Variants in CADM1 observed in about 807,000 individuals in gnomAD.
The protein encoded by CADM1 is TSLC-1.
Under a neutral mutation model 53.1 loss-of-function variants are expected in CADM1, and 15 were observed. The observed-to-expected ratio is 0.28, with a 90% CI of 0.19 to 0.44. The LOEUF is 0.44. Ranked by LOEUF, CADM1 falls within the 20% of genes least tolerant of loss-of-function variation. The probability of loss-of-function intolerance (pLI) is 1.00; values close to 1 mark genes in which losing one functional copy is unlikely to be tolerated. For synonymous variants in CADM1, 281 were observed against 243.0 expected, an observed-to-expected ratio of 1.16 and a Z score of -1.45; for missense variants, 434 against 611.3, an observed-to-expected ratio of 0.71 and a Z score of 3.06.
intron 1 of CADM1, among the ~76,000 whole-genome samples, chr11:115,489,037 G>T (rs1375869124): frequency 1.3e-5 from 2 of 152,186 alleles, no homozygotes; most frequent in African/African-American, 2.4e-5. Flanking sequence ...CTGAGGTGAA[G>T]AGGAACAGAT....
At chr11:115,271,047 G>T (rs752766838) in intron 1 of CADM1, among the ~76,000 whole-genome samples, 8 of 152,130 alleles carry the variant, frequency 5.3e-5, no homozygotes, top group Non-Finnish European at 1.2e-4. Context: ...TCACCAAAGG[G>T]TATTAAGCCA....
chr11:115,250,630 T>A (rs1013138627), intron 1 of CADM1, among the ~76,000 whole-genome samples: 1 of 152,222 alleles, frequency 6.6e-6, no homozygotes, highest in Non-Finnish European at 1.5e-5. Context: ...CACTGCTATC[T>A]GGAGGAGGAT....
At chr11:115,388,343 A>C (rs1351099889) in intron 1 of CADM1, among the ~76,000 whole-genome samples, 3 of 152,128 alleles carry the variant, frequency 2.0e-5, no homozygotes, top group Non-Finnish European at 2.9e-5. Flanking sequence ...GAAGTGTTAT[A>C]GTTGGAAAAT....
At chr11:115,470,789 T>C (rs973216287) in intron 1 of CADM1, among the ~76,000 whole-genome samples, 2 of 152,168 alleles carry the variant, frequency 1.3e-5, no homozygotes, top group Non-Finnish European at 2.9e-5. Context: ...ACAAGGACAT[T>C]ACCTACCAAA....
chr11:115,361,557 A>G (rs1055876011), intron 1 of CADM1, among the ~76,000 whole-genome samples: 4 of 152,162 alleles, frequency 2.6e-5, no homozygotes, highest in African/African-American at 7.2e-5. Flanking sequence ...ATTCTTCACC[A>G]TATTTTGCAT....
chr11:115,357,752 C>T (rs1049179737), intron 1 of CADM1, among the ~76,000 whole-genome samples: 1 of 152,064 alleles, frequency 6.6e-6, no homozygotes, highest in Non-Finnish European at 1.5e-5. Context: ...CTAAATAACA[C>T]GTCTATTTAC....
intron 1 of CADM1, among the ~76,000 whole-genome samples, chr11:115,443,945 G>T (rs1257691107): frequency 1.3e-5 from 2 of 152,178 alleles, no homozygotes; most frequent in Non-Finnish European, 2.9e-5. Flanking sequence ...GGAGACAAAA[G>T]GTGGTTGGTC....
chr11:115,201,394 T>C (rs1940421987), intron 8 of CADM1, among the ~76,000 whole-genome samples: 1 of 152,214 alleles, frequency 6.6e-6, no homozygotes, highest in Non-Finnish European at 1.5e-5. Flanking sequence ...GAGACCACGA[T>C]GACAGAATCT....
At chr11:115,252,418 A>G (rs1266050776) in intron 1 of CADM1, among the ~76,000 whole-genome samples, 2 of 151,894 alleles carry the variant, frequency 1.3e-5, no homozygotes, top group African/African-American at 4.8e-5. Flanking sequence ...ATTTTTTTTT[A>G]TTTCAGAGGT....
chr11:115,289,746 C>G (rs1342185771), intron 1 of CADM1, among the ~76,000 whole-genome samples: 1 of 151,924 alleles, frequency 6.6e-6, no homozygotes, highest in Non-Finnish European at 1.5e-5. Context: ...TAGGCACCCA[C>G]CATCACGCCC....
At chr11:115,228,699 T>C (rs1280791747) in intron 5 of CADM1, among the ~76,000 whole-genome samples, 2 of 151,924 alleles carry the variant, frequency 1.3e-5, no homozygotes, top group African/African-American at 4.8e-5. Flanking sequence ...TAAGCTAAAA[T>C]AGAGGAGGAA....
intron 1 of CADM1, among the ~76,000 whole-genome samples, chr11:115,273,181 A>T (rs1943351235): frequency 6.6e-6 from 1 of 152,254 alleles, no homozygotes; most frequent in Non-Finnish European, 1.5e-5. Flanking sequence ...TGATCTATTA[A>T]GTGACCTACT....
At chr11:115,482,370 G>T (rs967068597) in intron 1 of CADM1, among the ~76,000 whole-genome samples, 2 of 152,170 alleles carry the variant, frequency 1.3e-5, no homozygotes, top group Non-Finnish European at 2.9e-5. Context: ...ATGGAAGAGA[G>T]CCTATATAAT....
intron 1 of CADM1, among the ~76,000 whole-genome samples, chr11:115,495,217 C>T (rs1224063098): frequency 1.3e-5 from 2 of 152,134 alleles, no homozygotes; most frequent in Non-Finnish European, 1.5e-5. Flanking sequence ...TGAAGCAATG[C>T]TCCTTTTTTA....
rs1173348399 is a variant in CADM1 at position 115,299,776 on chromosome 11, T to C, written c.125-59356A>G. The stretch of plus-strand genomic sequence containing the variant: ...TTGTAATCAGTCTCTTTGATAGAGG[T>C]GATACAGAGCACTGACACTTTAGCC... On this transcript the variant is annotated intron_variant, in intron 1 of 11. Coordinates refer to ENST00000331581, the MANE Select transcript of CADM1 (RefSeq NM_001301043.2). Among the ~76,000 whole-genome samples the C allele has an allele frequency of 2.0e-5, 3 of 152,016 alleles. No individual in the cohort carries two copies. The East Asian group carries it at 5.8e-4, about 29-fold the overall frequency.
chr11:115,421,521 G>A (rs985620202), intron 1 of CADM1, among the ~76,000 whole-genome samples: 11 of 152,184 alleles, frequency 7.2e-5, no homozygotes, highest in East Asian at 1.9e-4. Flanking sequence ...CAAAGCAGAC[G>A]CGCTCACCAG....
At chr11:115,286,444 T>C (rs769212985) in intron 1 of CADM1, among the ~76,000 whole-genome samples, 14 of 152,196 alleles carry the variant, frequency 9.2e-5, no homozygotes, top group Non-Finnish European at 1.5e-4. Context: ...TCAGCTTATA[T>C]ACAAAACTGA....
Position 115,415,758 on chromosome 11 carries a change from C to A in CADM1, c.124+88513G>T, listed in dbSNP as rs552399834. Reference sequence around the variant, plus strand: ...GGCTGAGGCAGGAGAATCACTTGAACCTGGGAGGCAGAGCTGAGATTGCTC... The same window carrying A: ...GGCTGAGGCAGGAGAATCACTTGAAACTGGGAGGCAGAGCTGAGATTGCTC... On this transcript the variant is annotated intron_variant, in intron 1 of 11. Coordinates refer to ENST00000331581, the MANE Select transcript of CADM1 (RefSeq NM_001301043.2). Among the ~76,000 whole-genome samples, 5 of 138,754 alleles carry A rather than the reference C, an allele frequency of 3.6e-5. No individual in the cohort carries two copies. The East Asian group carries it at 8.5e-4, about 24-fold the overall frequency. The allele number at this position is 138,754 out of a possible 152,430, so 91.0% of individuals were successfully genotyped here. A position where few individuals can be genotyped will look rare whatever the true frequency, so the allele number is the denominator to read the frequency against.
At position 115,217,963 on chromosome 11, in the gene CADM1, A is replaced by C. The variant is rs145894931; in HGVS notation, c.750T>G (p.Thr250=). The C allele has an allele frequency of 4.1e-4, 655 of 1,613,424 alleles. 2 individuals carry two copies. In the East Asian group the frequency reaches 5.2e-3, roughly 13 times the overall value. The part of the protein sequence containing the change: ...QYKPQVHIQM[T]YPLQGLTREG... The stretch of plus-strand genomic sequence containing the variant: ...CCCGGGTTAAGCCTTGTAGAGGATA[A>C]GTCATCTGAATGTGCACTTGAGGCT... The change falls in exon 6 of 12, where the codon ACT becomes ACG. Residue 250 remains threonine, a synonymous_variant. Coordinates refer to ENST00000331581, the MANE Select transcript of CADM1 (RefSeq NM_001301043.2).
Sources: gnomAD v4.1 joint callset for allele counts (sites outside exome capture counted in the v4.1 genomes callset) on GRCh38, gnomAD v4.1.1 for gene constraint, MANE v1.5 for transcripts, NCBI Gene and HGNC (gene_info 2026-07-23, HGNC 2026-07-21) for gene names.